Variants in SYNPR observed in about 807,000 individuals in gnomAD.
The protein encoded by SYNPR is synaptoporin.
In SYNPR, 23 loss-of-function variants were observed where a neutral mutation model predicts 32.9. The ratio of observed to expected loss-of-function variants is 0.70; its 90% CI spans 0.50 to 0.99. The LOEUF (loss-of-function observed/expected upper bound fraction) is 0.99. Ranked by LOEUF, SYNPR falls within the 50% of genes least tolerant of loss-of-function variation. The probability of loss-of-function intolerance (pLI) is 0.00; values close to 1 mark genes in which losing one functional copy is unlikely to be tolerated. For synonymous variants in SYNPR, 146 were observed against 135.9 expected (o/e 1.07, Z -0.52); for missense variants, 318 against 349.3 (o/e 0.91, Z 0.71).
chr3:63,241,105 C>T lies in SYNPR; in HGVS notation n.67-11394C>T, dbSNP rs905151267. The stretch of plus-strand genomic sequence containing the variant: ...ACCCACTATCAGGATCCACCTTCAC[C>T]GTTACAGGACAGAGACAGAAACAAT... On this transcript the variant is annotated intron_variant and non_coding_transcript_variant, in intron 1 of 4. Transcript: ENST00000478456. Among the ~76,000 whole-genome samples, 22 of 152,088 alleles carry T rather than the reference C, an allele frequency of 1.4e-4. 1 individual carries two copies. The highest frequency in any genetic ancestry group is 9.8e-4 in the Admixed American group (15 of 15,268).
At chr3:63,556,409 A>G (rs1345517165) in intron 3 of SYNPR, 134 bp from the exon 4 acceptor site, 2 of 653,662 alleles carry the variant, frequency 3.1e-6, no homozygotes, top group Non-Finnish European at 5.1e-6. Flanking sequence ...TAAATTTCTT[A>G]ATGAATATGT....
intron 3 of SYNPR, among the ~76,000 whole-genome samples, chr3:63,491,922 T>C (rs2106717563): frequency 6.6e-6 from 1 of 152,272 alleles, no homozygotes; most frequent in African/African-American, 2.4e-5. Context: ...TCTTGCCCTT[T>C]TTTGTTTTTT....
At chr3:63,278,605 G>C in intron 1 of SYNPR, 54 bp downstream of exon 1, 4 of 1,550,506 alleles carry the variant, frequency 2.6e-6, no homozygotes, top group Non-Finnish European at 3.5e-6. Flanking sequence ...GGGGGATGCC[G>C]CGGCTTGGGA....
the SYNPR span, among the ~76,000 whole-genome samples, chr3:63,208,864 T>C: frequency 6.6e-6 from 1 of 152,074 alleles, no homozygotes; most frequent in Non-Finnish European, 1.5e-5. Flanking sequence ...CTCTGAGAAA[T>C]CCCTCAATAA....
intron 2 of SYNPR, among the ~76,000 whole-genome samples, chr3:63,461,974 A>G: frequency 6.6e-6 from 1 of 152,070 alleles, no homozygotes; most frequent in Non-Finnish European, 1.5e-5. Context: ...AGAGTGACTT[A>G]TAAAGAAATA....
At chr3:63,572,748 C>G (rs1702911163) in intron 4 of SYNPR, among the ~76,000 whole-genome samples, 1 of 152,174 alleles carries the variant, frequency 6.6e-6, no homozygotes, top group Non-Finnish European at 1.5e-5. Context: ...GCCGATTTCA[C>G]TCCAGGAACT....
intron 1 of SYNPR, among the ~76,000 whole-genome samples, chr3:63,240,854 G>C (rs2086236099): frequency 6.6e-6 from 1 of 152,080 alleles, no homozygotes; most frequent in Non-Finnish European, 1.5e-5. Flanking sequence ...ATTCATGCCA[G>C]CACATCACCA....
chr3:63,581,287 C>T (rs1449852268), intron 4 of SYNPR, among the ~76,000 whole-genome samples: 12 of 147,406 alleles, frequency 8.1e-5, no homozygotes, highest in Admixed American at 6.8e-4. Flanking sequence ...TGAAACCCTT[C>T]GGGAAGGTTG....
chr3:63,547,871 A>G (rs1179577006), intron 3 of SYNPR, among the ~76,000 whole-genome samples: 1 of 152,154 alleles, frequency 6.6e-6, no homozygotes, highest in Non-Finnish European at 1.5e-5. Flanking sequence ...CACTTGATCA[A>G]ATTTGAATGT....
intron 2 of SYNPR, among the ~76,000 whole-genome samples, chr3:63,413,252 C>T (rs541989698): frequency 9.2e-5 from 14 of 152,150 alleles, no homozygotes; most frequent in Non-Finnish European, 1.3e-4. Context: ...TTAATTGATG[C>T]ATATTGCTTT....
intron 3 of SYNPR, among the ~76,000 whole-genome samples, chr3:63,497,823 T>C (rs1343482769): frequency 1.3e-5 from 2 of 152,070 alleles, no homozygotes; most frequent in African/African-American, 4.8e-5. Context: ...TAAATGAAAA[T>C]GTAATGTGAA....
chr3:63,327,812 C>T (rs1172847002), intron 2 of SYNPR, among the ~76,000 whole-genome samples: 1 of 151,956 alleles, frequency 6.6e-6, no homozygotes, highest in Non-Finnish European at 1.5e-5. Flanking sequence ...TCTGGGGTTC[C>T]AATAATATAT....
At chr3:63,474,574 G>C (rs1700864753) in intron 2 of SYNPR, among the ~76,000 whole-genome samples, 2 of 103,616 alleles carry the variant, frequency 1.9e-5, no homozygotes, top group African/African-American at 7.5e-5. Context: ...ATCTCCTCCT[G>C]GTCCAAATTT....
At chr3:63,574,086 A>G (rs1702937512) in intron 4 of SYNPR, among the ~76,000 whole-genome samples, 1 of 152,106 alleles carries the variant, frequency 6.6e-6, no homozygotes, top group African/African-American at 2.4e-5. Context: ...GGCACCTGGT[A>G]TTTGCCAAAA....
At chr3:63,393,330 C>T (rs2088164582) in intron 2 of SYNPR, among the ~76,000 whole-genome samples, 2 of 152,052 alleles carry the variant, frequency 1.3e-5, no homozygotes, top group Non-Finnish European at 2.9e-5. Flanking sequence ...CTAAAAAGTA[C>T]AATTAGTGAA....
At chr3:63,237,302 C>T (rs2086207162) in intron 1 of SYNPR, among the ~76,000 whole-genome samples, 1 of 151,944 alleles carries the variant, frequency 6.6e-6, no homozygotes, top group Non-Finnish European at 1.5e-5. Context: ...CTCAAGTTTA[C>T]TGATTCTATC....
intron 2 of SYNPR, among the ~76,000 whole-genome samples, chr3:63,393,717 C>G (rs575543334): frequency 6.6e-6 from 1 of 152,008 alleles, no homozygotes; most frequent in South Asian, 2.1e-4. Flanking sequence ...TGCTGTGTTG[C>G]TCAGGGTGGT....
chr3:63,370,361 C>G (rs898802746), intron 2 of SYNPR, among the ~76,000 whole-genome samples: 1 of 152,168 alleles, frequency 6.6e-6, no homozygotes, highest in Non-Finnish European at 1.5e-5. Flanking sequence ...TGACTCTGCT[C>G]CCATCTGGGA....
At chr3:63,318,378 C>T (rs1264978080) in intron 2 of SYNPR, among the ~76,000 whole-genome samples, 1 of 151,994 alleles carries the variant, frequency 6.6e-6, no homozygotes, top group African/African-American at 2.4e-5. Flanking sequence ...TCTTCTTCCT[C>T]AGGAACACTG....
Sources: gnomAD v4.1 joint callset for allele counts (sites outside exome capture counted in the v4.1 genomes callset) on GRCh38, gnomAD v4.1.1 for gene constraint, MANE v1.5 for transcripts, NCBI Gene and HGNC (gene_info 2026-07-23, HGNC 2026-07-21) for gene names.